The following FAM3D variants were observed in gnomAD, a reference collection of about 807,000 sequenced individuals.
FAM3D encodes FAM3 metabolism regulating signaling molecule D, also known as protein FAM3D.
In FAM3D, 26 loss-of-function variants were observed where a neutral mutation model predicts 29.8. That is an observed-to-expected ratio of 0.87 (90% CI 0.64 to 1.21). The LOEUF is 1.21. Ranked by LOEUF, FAM3D falls within the 50% of genes most tolerant of loss-of-function variation. The pLI is 0.00. For missense variants in FAM3D, 253 were observed against 290.9 expected, an observed-to-expected ratio of 0.87 and a Z score of 0.95; for synonymous variants, 115 against 102.3, an observed-to-expected ratio of 1.12 and a Z score of -0.75.
chr3:58,643,050 T>A (rs9874352), intron 6 of FAM3D, among the ~76,000 whole-genome samples: 4 of 151,962 alleles, frequency 2.6e-5, no homozygotes, highest in Non-Finnish European at 4.4e-5. Context: ...ATCAGCTCCC[T>A]CTGGAAGCCT....
Position 58,656,567 on chromosome 3 carries a change from C to G in FAM3D, c.-38-966G>C, listed in dbSNP as rs548034863. On this transcript the variant is annotated intron_variant, in intron 1 of 9. Coordinates refer to ENST00000358781, the MANE Select transcript of FAM3D (RefSeq NM_138805.3). Reference sequence around the variant, plus strand: ...TACCAGTGATTTGCAGCTTTGAAACCCCCAGAAGGTCTGTGGAGACTTAGA... The same window carrying G: ...TACCAGTGATTTGCAGCTTTGAAACGCCCAGAAGGTCTGTGGAGACTTAGA... 5.8e-4 allele frequency among the ~76,000 whole-genome samples: 89 copies of G among 152,162 alleles called. 2 individuals are homozygous for G. Among genetic ancestry groups the G allele is most frequent in the Non-Finnish European group, 7.6e-4 (52 of 68,028 alleles).
At chr3:58,653,634 T>C (rs767094622) in intron 3 of FAM3D, 40 bp downstream of exon 3, 32 of 1,572,554 alleles carry the variant, frequency 2.0e-5, no homozygotes, top group Non-Finnish European at 2.7e-5. Flanking sequence ...CCCCCAGGCC[T>C]GGTCTGCAGT....
intron 6 of FAM3D, among the ~76,000 whole-genome samples, chr3:58,643,387 A>T (rs554507166): frequency 6.6e-6 from 1 of 152,348 alleles, no homozygotes; most frequent in Admixed American, 6.5e-5. Context: ...GGCTTTGAGG[A>T]TCGGGTCATG....
chr3:58,634,326 G>A lies in FAM3D; in HGVS notation c.628C>T (p.Pro210Ser), dbSNP rs1249210811. The A allele has an allele frequency of 1.1e-5, 17 of 1,614,020 alleles. No individual in the cohort carries two copies. The highest frequency in any genetic ancestry group is 1.4e-5 in the Non-Finnish European group (17 of 1,179,994). Residue 210 changes from proline to serine, a missense_variant, in exon 10 of 10, where the codon CCA becomes TCA. Coordinates refer to ENST00000358781, the MANE Select transcript of FAM3D (RefSeq NM_138805.3). This position sits in a 1 kb window ranked among gnomAD's most constrained non-coding sequence, Gnocchi z 4.6. ...SPDTNKYEGW[P>S]ELLEMEGCMP... is the part of the protein sequence containing the mutation. ...CAGCCCTCCATCTCCAGCAGCTCTG[G>A]CCATCCCTCGTATTTGTTTGTGTCT...
chr3:58,637,127 A>G lies in FAM3D; in HGVS notation c.458+14T>C. On this transcript the variant is annotated intron_variant, in intron 8 of 9. Coordinates refer to ENST00000358781, the MANE Select transcript of FAM3D (RefSeq NM_138805.3). ...CATCACTGTGTGGCCTGGCAGGTAG[A>G]GTTTTCTACTTACTTGGTCCCTGGA... 6.2e-7 allele frequency: 1 copy of G among 1,611,802 alleles called. No homozygotes were observed. Among genetic ancestry groups the G allele is most frequent in the African/African-American group, 1.3e-5 (1 of 74,974 alleles).
chr3:58,645,930 T>C (rs1341493471), intron 4 of FAM3D, among the ~76,000 whole-genome samples: 1 of 152,202 alleles, frequency 6.6e-6, no homozygotes, highest in Admixed American at 6.5e-5. Context: ...TGAGTCACTA[T>C]GACGAAGGGA....
At chr3:58,654,322 A>G (rs983559644) in intron 2 of FAM3D, among the ~76,000 whole-genome samples, 1 of 152,154 alleles carries the variant, frequency 6.6e-6, no homozygotes, top group African/African-American at 2.4e-5. Context: ...TGGCAGGGAT[A>G]TTGTAGTTGT....
At chr3:58,636,472 A>C in intron 8 of FAM3D, 52 bp from the exon 9 acceptor site, 3 of 1,601,726 alleles carry the variant, frequency 1.9e-6, no homozygotes, top group Non-Finnish European at 2.6e-6. Context: ...TCGCAGGGGC[A>C]TCAGGTGGTG....
rs114409709 is a variant in FAM3D, at chr3:58,650,467, C to T, written c.122-1129G>A. Among the ~76,000 whole-genome samples, 1,107 of 152,096 alleles carry T rather than the reference C, an allele frequency of 7.3e-3. 19 individuals are homozygous for T. The highest frequency in any genetic ancestry group is 0.024 in the African/African-American group (1,008 of 41,498). ...TTCAGCCAAGGGAGAAGATAAGCAT[C>T]GGGAGAGGAGCCATCGTGCCTGCCT... is the stretch of plus-strand genomic sequence containing the variant. On this transcript the variant is annotated intron_variant, in intron 3 of 9. Coordinates refer to ENST00000358781, the MANE Select transcript of FAM3D (RefSeq NM_138805.3).
Position 58,635,811 on chromosome 3 carries a change from C to T in FAM3D, c.585+483G>A, listed in dbSNP as rs1192399480. On this transcript the variant is annotated intron_variant, in intron 9 of 9. Transcript: ENST00000358781. The surrounding 1 kb of genome is among the most constrained non-coding windows in gnomAD (Gnocchi z 5.2). ...CCTTCCTAGAGCTCAGCACACGGTT[C>T]CCTGCACCTGCCCCCTCCAGCACCT... 6.6e-6 allele frequency among the ~76,000 whole-genome samples: 1 copy of T among 152,162 alleles called. No individual in the cohort carries two copies. Among genetic ancestry groups the T allele is most frequent in the Non-Finnish European group, 1.5e-5 (1 of 68,024 alleles).
In FAM3D at chr3:58,635,903, C is replaced by T. The variant is rs1295745657; in HGVS notation, c.585+391G>A. On this transcript the variant is annotated intron_variant, in intron 9 of 9. Coordinates refer to ENST00000358781, the MANE Select transcript of FAM3D (RefSeq NM_138805.3). This position sits in a 1 kb window ranked among gnomAD's most constrained non-coding sequence, Gnocchi z 5.2. ...TTCCCTCCTCGTTTTCTCCATGCCTCGCCAGGGAGGCTGAAGGGATGGGGA... is the reference window on the plus strand; with the variant it reads ...TTCCCTCCTCGTTTTCTCCATGCCTTGCCAGGGAGGCTGAAGGGATGGGGA... Among the ~76,000 whole-genome samples the T allele has an allele frequency of 2.0e-5, 3 of 152,168 alleles. No individual in the cohort carries two copies. The highest frequency in any genetic ancestry group is 7.2e-5 in the African/African-American group (3 of 41,432).
At position 58,649,472 on chromosome 3, in the gene FAM3D, C is replaced by A; in HGVS notation, c.122-134G>T. The A allele has an allele frequency of 9.4e-6, 9 of 953,180 alleles. No homozygotes were observed. The South Asian group carries it at 1.4e-4, about 14-fold the overall frequency. The allele number at this position is 953,180 out of a possible 1,614,324, so 59.0% of individuals were successfully genotyped here. On this transcript the variant is annotated intron_variant, in intron 3 of 9. Transcript: ENST00000358781. ...CGCCATTGAAATGAACTAAAAATGCCTTGCCACTGTCACCCCTTCACACAC... is the reference window on the plus strand; with the variant it reads ...CGCCATTGAAATGAACTAAAAATGCATTGCCACTGTCACCCCTTCACACAC...
chr3:58,640,102 C>A, intron 7 of FAM3D, 25 bp downstream of exon 7: 1 of 1,613,858 alleles, frequency 6.2e-7, no homozygotes, highest in Non-Finnish European at 8.5e-7. Flanking sequence ...CCGACTGTGA[C>A]TTCAGTGTCA....
chr3:58,652,376 A>ATTCC (rs1559504371), intron 3 of FAM3D, among the ~76,000 whole-genome samples: 2 of 151,554 alleles, frequency 1.3e-5, no homozygotes, highest in East Asian at 3.9e-4. Context: ...CTGTCCATCC[A>ATTCC]TTCATTCATT....
In FAM3D at chr3:58,634,804, G is replaced by A. The variant is rs1485066626; in HGVS notation, c.586-436C>T. On this transcript the variant is annotated intron_variant, in intron 9 of 9. Coordinates refer to ENST00000358781, the MANE Select transcript of FAM3D (RefSeq NM_138805.3). This position sits in a 1 kb window ranked among gnomAD's most constrained non-coding sequence, Gnocchi z 4.6. ...GTTTACATCCCATTCTACAGATGGG[G>A]AAGCTGAGGCACAGAGGGTCACTGC... is the stretch of plus-strand genomic sequence containing the variant. Among the ~76,000 whole-genome samples, 1 of 152,176 alleles carries A rather than the reference G, an allele frequency of 6.6e-6. No individual in the cohort carries two copies. Among genetic ancestry groups the A allele is most frequent in the Non-Finnish European group, 1.5e-5 (1 of 68,028 alleles).
chr3:58,638,370 T>C (rs1277622489), intron 7 of FAM3D, among the ~76,000 whole-genome samples: 1 of 152,228 alleles, frequency 6.6e-6, no homozygotes, highest in Non-Finnish European at 1.5e-5. Context: ...TCGAGTGGGC[T>C]CAAGTTTGGG....
At chr3:58,652,977 C>CATCTGT (rs57991098) in intron 3 of FAM3D, among the ~76,000 whole-genome samples, 1 of 146,856 alleles carries the variant, frequency 6.8e-6, no homozygotes, top group Non-Finnish European at 1.5e-5. Context: ...TCCATCCATC[C>CATCTGT]GTTTTTTTTT....
chr3:58,645,543 C>T lies in FAM3D; in HGVS notation c.229G>A (p.Val77Ile), dbSNP rs199788537. Residue 77 changes from valine to isoleucine, a missense_variant, in exon 5 of 10, where the codon GTC (valine) becomes ATC (isoleucine). Transcript: ENST00000358781. ...TCAAAGCACATAGTAGGGCCCACGA[C>T]GTTGGCGGCCCCACTGCAGATTTTA... is the stretch of plus-strand genomic sequence containing the variant. ...AFKICSGAAN[V>I]VGPTMCFEDR... 3.9e-5 allele frequency: 63 copies of T among 1,614,072 alleles called. No individual in the cohort carries two copies. The highest frequency in any genetic ancestry group is 3.3e-4 in the Middle Eastern group (2 of 6,082).
intron 3 of FAM3D, among the ~76,000 whole-genome samples, chr3:58,653,116 G>T (rs2066694422): frequency 6.6e-6 from 1 of 152,072 alleles, no homozygotes; most frequent in Non-Finnish European, 1.5e-5. Context: ...AACAAACAAT[G>T]AAACATAAAA....
Sources: gnomAD v4.1 joint callset for allele counts (sites outside exome capture counted in the v4.1 genomes callset) on GRCh38, gnomAD v4.1.1 for gene constraint, Gnocchi (gnomAD v3.1) non-coding constraint, MANE v1.5 for transcripts, NCBI Gene and HGNC (gene_info 2026-07-23, HGNC 2026-07-21) for gene names.